TDRP: variants seen among roughly 807,000 people sequenced by gnomAD.
TDRP encodes testis development-related protein.
In TDRP, 12 loss-of-function variants were observed where a neutral mutation model predicts 10.5. The ratio of observed to expected loss-of-function variants is 1.15; its 90% CI spans 0.73 to 1.86. The LOEUF is 1.86. TDRP is among the 40% of genes most tolerant of loss of function. The pLI, the probability that TDRP is intolerant of heterozygous loss-of-function variation, is 0.00. For missense variants in TDRP, 353 were observed against 229.2 expected (o/e 1.54, Z -3.49); for synonymous variants, 139 against 95.4 (o/e 1.46, Z -2.67).
At chr8:532,944 C>G (rs896266118) in intron 1 of TDRP, among the ~76,000 whole-genome samples, 39 of 152,152 alleles carry the variant, frequency 2.6e-4, no homozygotes, top group African/African-American at 9.2e-4. Flanking sequence ...GTTACTATCC[C>G]TTCCTTTACA....
intron 1 of TDRP, among the ~76,000 whole-genome samples, chr8:501,129 C>T (rs1202470875): frequency 3.3e-5 from 5 of 151,618 alleles, no homozygotes; most frequent in Non-Finnish European, 5.9e-5. Context: ...GGCGTGAACC[C>T]GAGGAGGTGG....
rs77431915 is a variant in TDRP at position 526,030 on chromosome 8, G to A, written c.108+18620C>T. 1.6e-3 allele frequency among the ~76,000 whole-genome samples: 245 copies of A among 152,242 alleles called. 2 individuals carry two copies. Among genetic ancestry groups the A allele is most frequent in the Non-Finnish European group, 1.9e-3 (128 of 68,022 alleles). On this transcript the variant is annotated intron_variant, in intron 1 of 2. Transcript: ENST00000324079. ...TTTCTTCATGGTTCAAACTTCACAG[G>A]TTGTATGTATTTCTTCTAGATTTTC... is the stretch of plus-strand genomic sequence containing the variant.
At chr8:497,157 C>A (rs1191913098) in intron 1 of TDRP, among the ~76,000 whole-genome samples, 2 of 152,130 alleles carry the variant, frequency 1.3e-5, no homozygotes, top group South Asian at 2.1e-4. Context: ...GGGGCAGAGG[C>A]TGGAATAGTC....
Position 491,904 on chromosome 8 carries a change from G to C in TDRP, c.*495C>G, listed in dbSNP as rs1161102064. 1 of 1,155,414 alleles carries C rather than the reference G, an allele frequency of 8.7e-7. No individual in the cohort carries two copies. The highest frequency in any genetic ancestry group is 1.1e-6 in the Non-Finnish European group (1 of 940,308). 71.6% of individuals were successfully genotyped at this position (1,155,414 alleles called of 1,614,324 possible). A position where few individuals can be genotyped will look rare whatever the true frequency, so the allele number is the denominator to read the frequency against. ...TACGTATTTGTTTAATAAGAACAAA[G>C]TTTAATTTGTCAAGTTAAACAAAAT... On this transcript the variant is annotated 3_prime_UTR_variant, in exon 3 of 3. Coordinates refer to ENST00000324079, the MANE Select transcript of TDRP (RefSeq NM_001384899.1).
chr8:515,728 G>C (rs548985923), intron 1 of TDRP, among the ~76,000 whole-genome samples: 64 of 152,128 alleles, frequency 4.2e-4, no homozygotes, highest in African/African-American at 1.4e-3. Flanking sequence ...GCATAAGAGA[G>C]AAATAAAAGT....
chr8:494,539 T>C lies in TDRP; in HGVS notation c.167A>G (p.Asp56Gly). ...ACATCTTTCCAGGAGATGCTGCTCA[T>C]CATCTTTGTTAAACAGTGAAGTCAC... ...KEVTSLFNKD[D>G]EQHLLERCKS... Residue 56 changes from aspartate to glycine, a missense_variant, in exon 2 of 3, where the codon GAT becomes GGT. Coordinates refer to ENST00000324079, the MANE Select transcript of TDRP (RefSeq NM_001384899.1). 1.9e-6 allele frequency: 3 copies of C among 1,613,984 alleles called. No individual in the cohort carries two copies. The highest frequency in any genetic ancestry group is 2.5e-6 in the Non-Finnish European group (3 of 1,179,872).
At chr8:544,203 G>T (rs183700904) in intron 1 of TDRP, among the ~76,000 whole-genome samples, 200 of 152,172 alleles carry the variant, frequency 1.3e-3, no homozygotes, top group Non-Finnish European at 2.3e-3. Context: ...GTCCGGATGC[G>T]CGATGATTCA....
intron 1 of TDRP, among the ~76,000 whole-genome samples, chr8:520,263 A>G (rs1414950501): frequency 6.6e-6 from 1 of 152,212 alleles, no homozygotes; most frequent in African/African-American, 2.4e-5. Context: ...GTTCATCCAT[A>G]TACTAGCATA....
intron 1 of TDRP, among the ~76,000 whole-genome samples, chr8:505,672 G>C (rs1217531126): frequency 2.0e-5 from 3 of 152,236 alleles, no homozygotes; most frequent in Non-Finnish European, 4.4e-5. Flanking sequence ...CCATCTGTCA[G>C]TGCTTCACTG....
At chr8:511,819 C>T (rs551797662) in intron 1 of TDRP, among the ~76,000 whole-genome samples, 11 of 152,188 alleles carry the variant, frequency 7.2e-5, no homozygotes, top group Non-Finnish European at 1.2e-4. Flanking sequence ...TTAAAACTCA[C>T]TCTTAAATTA....
At chr8:515,683 C>A (rs1801739692) in intron 1 of TDRP, among the ~76,000 whole-genome samples, 1 of 152,096 alleles carries the variant, frequency 6.6e-6, no homozygotes, top group African/African-American at 2.4e-5. Flanking sequence ...TTACTACTTA[C>A]TGACAATTAA....
chr8:509,674 T>A (rs1343239631), intron 1 of TDRP, among the ~76,000 whole-genome samples: 1 of 152,110 alleles, frequency 6.6e-6, no homozygotes, highest in Non-Finnish European at 1.5e-5. Context: ...GCCCCAAAGG[T>A]CTCTGACATG....
Position 527,938 on chromosome 8 carries a change from A to G in TDRP, c.108+16712T>C, listed in dbSNP as rs147319357. Among the ~76,000 whole-genome samples, 394 of 152,320 alleles carry G rather than the reference A, an allele frequency of 2.6e-3. 12 individuals are homozygous for G. The East Asian group carries it at 0.052, about 20-fold the overall frequency. On this transcript the variant is annotated intron_variant, in intron 1 of 2. Coordinates refer to ENST00000324079, the MANE Select transcript of TDRP (RefSeq NM_001384899.1). ...TCACATCAAATTAGAAAGCCTCTAC[A>G]GAGCAAAGGGACCAATCAACAAATG... is the stretch of plus-strand genomic sequence containing the variant.
chr8:504,543 G>A (rs1045432206), intron 1 of TDRP, among the ~76,000 whole-genome samples: 1 of 152,220 alleles, frequency 6.6e-6, no homozygotes, highest in Admixed American at 6.5e-5. Flanking sequence ...CAAAGAGGCA[G>A]ACTCTGGGCT....
chr8:492,881 C>G (rs546811485), intron 2 of TDRP, 137 bp from the exon 3 acceptor site: 2 of 740,296 alleles, frequency 2.7e-6, no homozygotes, highest in African/African-American at 3.6e-5. Context: ...TGAAAAGTTT[C>G]AAATATTAAA....
chr8:530,105 C>A (rs1014825174), intron 1 of TDRP, among the ~76,000 whole-genome samples: 1 of 151,944 alleles, frequency 6.6e-6, no homozygotes, highest in South Asian at 2.1e-4. Context: ...TTGAGTTTGA[C>A]GATTCTTCTG....
chr8:504,540 G>A (rs1389699549), intron 1 of TDRP, among the ~76,000 whole-genome samples: 1 of 152,148 alleles, frequency 6.6e-6, no homozygotes, highest in Non-Finnish European at 1.5e-5. Flanking sequence ...GTTCAAAGAG[G>A]CAGACTCTGG....
intron 1 of TDRP, among the ~76,000 whole-genome samples, chr8:511,372 TAAAGAG>T (rs1801612036): frequency 6.6e-6 from 1 of 152,002 alleles, no homozygotes; most frequent in South Asian, 2.1e-4. Context: ...TTAATGTTGC[TAAAGAG>T]AATTTCATCA....
At chr8:543,730 G>A (rs1367699701) in intron 1 of TDRP, among the ~76,000 whole-genome samples, 2 of 152,170 alleles carry the variant, frequency 1.3e-5, no homozygotes, top group African/African-American at 4.8e-5. Flanking sequence ...CAGACCCTAA[G>A]AGAAACTCTT....
Sources: allele counts gnomAD v4.1 joint callset (sites outside exome capture counted in the v4.1 genomes callset), GRCh38; gene constraint gnomAD v4.1.1; transcripts MANE v1.5; gene names NCBI Gene and HGNC (gene_info 2026-07-23, HGNC 2026-07-21).